The following UNC5B variants were observed in gnomAD, a reference collection of about 807,000 sequenced individuals.
The protein encoded by UNC5B is netrin receptor UNC5B.
UNC5B carries 56 observed loss-of-function variants against 103.7 expected under a neutral mutation model. The ratio of observed to expected loss-of-function variants is 0.54; its 90% CI spans 0.44 to 0.67. The LOEUF (loss-of-function observed/expected upper bound fraction) is 0.67. Ranked by LOEUF, UNC5B falls within the 30% of genes least tolerant of loss-of-function variation. The probability of loss-of-function intolerance (pLI) is 0.00; values close to 1 mark genes in which losing one functional copy is unlikely to be tolerated. For missense variants in UNC5B, 1,194 were observed against 1,284.5 expected (o/e 0.93, Z 1.08); for synonymous variants, 577 against 542.0 (o/e 1.06, Z -0.90).
In UNC5B at chr10:71,293,873, C is replaced by T; in HGVS notation, c.2115C>T (p.Cys705=). 1 of 1,607,944 alleles carries T rather than the reference C, an allele frequency of 6.2e-7. No individual in the cohort carries two copies. Among genetic ancestry groups the T allele is most frequent in the Non-Finnish European group, 8.5e-7 (1 of 1,179,794 alleles). The change falls in exon 13 of 17, where the codon TGC becomes TGT. Residue 705 remains cysteine (C), a synonymous_variant. Coordinates refer to ENST00000335350, the MANE Select transcript of UNC5B (RefSeq NM_170744.5). The part of the protein sequence containing the change: ...LQLAVFAPAL[C]TSLEYSLRVY... Reference sequence around the variant, plus strand: ...TGGCCGTCTTCGCCCCCGCCCTCTGCACCTCCCTGGAGTACAGCCTCCGGG... The same window carrying T: ...TGGCCGTCTTCGCCCCCGCCCTCTGTACCTCCCTGGAGTACAGCCTCCGGG...
intron 1 of UNC5B, among the ~76,000 whole-genome samples, chr10:71,235,115 C>T (rs1422487283): frequency 6.6e-6 from 1 of 151,354 alleles, no homozygotes; most frequent in Non-Finnish European, 1.5e-5. Context: ...TCTGCCTCTG[C>T]CTCTGACAGA....
intron 10 of UNC5B, 114 bp downstream of exon 10, chr10:71,291,935 G>T (rs990301663): frequency 2.2e-6 from 3 of 1,392,392 alleles, no homozygotes; most frequent in Non-Finnish European, 2.8e-6. Context: ...CACAGATGGG[G>T]AAAGGGAGGC....
intron 1 of UNC5B, among the ~76,000 whole-genome samples, chr10:71,268,277 T>C (rs574116492): frequency 1.3e-5 from 2 of 152,344 alleles, no homozygotes; most frequent in South Asian, 2.1e-4. Context: ...GCCCTCTCCT[T>C]CTCATGCCCA....
intron 1 of UNC5B, among the ~76,000 whole-genome samples, chr10:71,239,834 G>T (rs74145381): frequency 0.035 from 5,320 of 152,306 alleles, 293 homozygotes; most frequent in African/African-American, 0.12. Context: ...TCCCTCCTGT[G>T]ATCTGCATGT....
chr10:71,262,392 G>C (rs375436129), intron 1 of UNC5B, among the ~76,000 whole-genome samples: 4 of 151,636 alleles, frequency 2.6e-5, no homozygotes, highest in Admixed American at 2.6e-4. Context: ...GATGGGGCAG[G>C]GCCAGGATTG....
At chr10:71,256,979 A>G (rs1301777719) in intron 1 of UNC5B, among the ~76,000 whole-genome samples, 2 of 152,184 alleles carry the variant, frequency 1.3e-5, no homozygotes, top group Admixed American at 6.5e-5. Flanking sequence ...AGGTGCAGGA[A>G]GACGACAGTC....
At chr10:71,262,101 G>A (rs1844427359) in intron 1 of UNC5B, among the ~76,000 whole-genome samples, 1 of 152,140 alleles carries the variant, frequency 6.6e-6, no homozygotes, top group African/African-American at 2.4e-5. Context: ...GCCTGAGCTG[G>A]CTTCTCCATA....
chr10:71,228,165 G>A (rs1843612079), intron 1 of UNC5B, among the ~76,000 whole-genome samples: 1 of 152,170 alleles, frequency 6.6e-6, no homozygotes, highest in South Asian at 2.1e-4. Context: ...GTGGGAAAAG[G>A]TGAAATTTGA....
intron 8 of UNC5B, among the ~76,000 whole-genome samples, chr10:71,290,334 G>A (rs1331306626): frequency 6.6e-6 from 1 of 152,126 alleles, no homozygotes; most frequent in Admixed American, 6.5e-5. Flanking sequence ...TTGCCTCCCT[G>A]GGCCCATCCT....
intron 1 of UNC5B, among the ~76,000 whole-genome samples, chr10:71,229,799 G>A (rs965962959): frequency 1.3e-5 from 2 of 152,184 alleles, no homozygotes; most frequent in Admixed American, 6.5e-5. Flanking sequence ...CTATAAAGGG[G>A]TGCATGAGGG....
intron 3 of UNC5B, among the ~76,000 whole-genome samples, chr10:71,285,092 C>T (rs530166053): frequency 4.5e-4 from 69 of 152,328 alleles, no homozygotes; most frequent in African/African-American, 1.6e-3. Context: ...GCTTCCTCCC[C>T]CATCCTGAGC....
chr10:71,215,783 G>C (rs1843316286), intron 1 of UNC5B, among the ~76,000 whole-genome samples: 1 of 149,478 alleles, frequency 6.7e-6, no homozygotes, highest in Non-Finnish European at 1.5e-5. Flanking sequence ...ATTAAAATCA[G>C]AGTTTTTGTA....
rs1436967981 is a variant in UNC5B at position 71,279,623 on chromosome 10, CA to C, written c.80-197del. On this transcript the variant is annotated intron_variant, in intron 1 of 16. Coordinates refer to ENST00000335350, the MANE Select transcript of UNC5B (RefSeq NM_170744.5). ...TTTATAAAGCCCAGCCTCTTAAAAG[CA>C]GGGCAAGATGGGAAACTGAGGCCGC... Among the ~76,000 whole-genome samples the C allele has an allele frequency of 2.6e-5, 4 of 152,330 alleles. No homozygotes were observed. The East Asian group carries it at 7.7e-4, about 29-fold the overall frequency.
chr10:71,257,049 C>G (rs557408837), intron 1 of UNC5B, among the ~76,000 whole-genome samples: 1 of 152,128 alleles, frequency 6.6e-6, no homozygotes, highest in Non-Finnish European at 1.5e-5. Context: ...ACAGCGGGGC[C>G]CAGAGGAAGG....
chr10:71,286,796 T>C lies in UNC5B; in HGVS notation c.660T>C (p.Thr220=). Residue 220 remains threonine (T), a synonymous_variant, in exon 5 of 17, where the codon ACT becomes ACC. Coordinates refer to ENST00000335350, the MANE Select transcript of UNC5B (RefSeq NM_170744.5). The part of the protein sequence containing the change: ...LIIRQARLSD[T]ANYTCVAKNI... ...TCCGCCAGGCCCGCCTGTCGGACAC[T>C]GCCAACTATACCTGCGTGGCCAAGA... 1 of 1,614,198 alleles carries C rather than the reference T, an allele frequency of 6.2e-7. No homozygotes were observed. The highest frequency in any genetic ancestry group is 8.5e-7 in the Non-Finnish European group (1 of 1,180,032).
At position 71,291,645 on chromosome 10, in the gene UNC5B, T is replaced by C. The variant is rs773807591; in HGVS notation, c.1508T>C (p.Leu503Pro). The C allele has an allele frequency of 1.1e-5, 17 of 1,613,774 alleles. No individual in the cohort carries two copies. The highest frequency in any genetic ancestry group is 1.0e-4 in the Admixed American group (6 of 60,000). Residue 503 changes from leucine (L) to proline (P), a missense_variant, in exon 10 of 17, where the codon CTG (leucine) becomes CCG (proline). Transcript: ENST00000335350. Reference protein sequence around the residue: ...GPGLADGADLLGVLPPGTYPS... With the variant: ...GPGLADGADLPGVLPPGTYPS... The stretch of plus-strand genomic sequence containing the variant: ...GGCCTGGCAGATGGGGCTGACCTGC[T>C]GGGGGTCTTGCCGCCTGGCACATAC...
At chr10:71,237,788 G>C (rs72808460) in intron 1 of UNC5B, among the ~76,000 whole-genome samples, 256 of 152,266 alleles carry the variant, frequency 1.7e-3, no homozygotes, top group Non-Finnish European at 2.8e-3. Context: ...CCTTTATTCT[G>C]TCTCAAGAAA....
At chr10:71,296,499 A>G (rs1468970901) in intron 14 of UNC5B, 79 bp from the exon 15 acceptor site, 2 of 1,528,374 alleles carry the variant, frequency 1.3e-6, no homozygotes, top group African/African-American at 2.8e-5. Flanking sequence ...AAAGCTCCCA[A>G]CCCTCCCTGA....
At chr10:71,246,037 G>C (rs1564714550) in intron 1 of UNC5B, among the ~76,000 whole-genome samples, 2 of 152,138 alleles carry the variant, frequency 1.3e-5, no homozygotes, top group Admixed American at 1.3e-4. Flanking sequence ...AGGTGGAGGT[G>C]GGGGCGGCCC....
Sources: gnomAD v4.1 joint callset for allele counts (sites outside exome capture counted in the v4.1 genomes callset) on GRCh38, gnomAD v4.1.1 for gene constraint, MANE v1.5 for transcripts, NCBI Gene and HGNC (gene_info 2026-07-23, HGNC 2026-07-21) for gene names.